Variants in GRID2 observed in about 807,000 individuals in gnomAD.
GRID2 encodes glutamate receptor ionotropic, delta-2.
In GRID2, 33 loss-of-function variants were observed where a neutral mutation model predicts 114.8. That is an observed-to-expected ratio of 0.29 (90% CI 0.22 to 0.38). GRID2 has a LOEUF of 0.38. GRID2 is among the 10% of genes least tolerant of loss of function. The pLI, the probability that GRID2 is intolerant of heterozygous loss-of-function variation, is 1.00. For synonymous variants in GRID2, 505 were observed against 449.9 expected (o/e 1.12, Z -1.55); for missense variants, 1,184 against 1,257.7 (o/e 0.94, Z 0.89).
intron 13 of GRID2, among the ~76,000 whole-genome samples, chr4:93,563,274 T>C (rs1250073344): frequency 1.3e-5 from 2 of 152,032 alleles, no homozygotes; most frequent in Non-Finnish European, 2.9e-5. Context: ...ATTGTTTCCA[T>C]TTATAATATC....
At position 92,318,308 on chromosome 4, in the gene GRID2, ATTT is replaced by A. The variant is rs201137595; in HGVS notation, c.88+13579_88+13581del. On this transcript the variant is annotated intron_variant, in intron 1 of 15. Transcript: ENST00000282020. Reference sequence around the variant, plus strand: ...TATGTGTGTATATATATATATATATATTTTTTTTTTTTTTTTTGGTAAGCAATA... The same window carrying A: ...TATGTGTGTATATATATATATATATATTTTTTTTTTTTTTGGTAAGCAATA... Among the ~76,000 whole-genome samples, 43 of 130,880 alleles carry A rather than the reference ATTT, an allele frequency of 3.3e-4. No individual in the cohort carries two copies. The East Asian group carries it at 4.8e-3, about 15-fold the overall frequency. The allele number at this position is 130,880 out of a possible 152,430, so 85.9% of individuals were successfully genotyped here. A position where few individuals can be genotyped will look rare whatever the true frequency, so the allele number is the denominator to read the frequency against.
In GRID2 at chr4:92,377,865, C is replaced by A. The variant is rs1199222282; in HGVS notation, c.88+73121C>A. On this transcript the variant is annotated intron_variant, in intron 1 of 15. Transcript: ENST00000282020. ...CCTTTCCCTGTGATTCAGTTGCTTC[C>A]CACCAGGTCCCTTCCACAACATGTG... Among the ~76,000 whole-genome samples the A allele has an allele frequency of 3.9e-5, 6 of 152,130 alleles. No individual in the cohort carries two copies. In the East Asian group the frequency reaches 1.2e-3, roughly 30 times the overall value.
intron 9 of GRID2, among the ~76,000 whole-genome samples, chr4:93,414,146 A>G (rs1767478038): frequency 6.6e-6 from 1 of 152,122 alleles, no homozygotes; most frequent in African/African-American, 2.4e-5. Flanking sequence ...CATCAGCTCT[A>G]CCTTCAAAAA....
chr4:93,668,351 A>G (rs1724121097), intron 14 of GRID2, among the ~76,000 whole-genome samples: 2 of 149,456 alleles, frequency 1.3e-5, no homozygotes, highest in Admixed American at 1.3e-4. Flanking sequence ...GAGTTCTGTT[A>G]TCTGATTTTC....
intron 1 of GRID2, among the ~76,000 whole-genome samples, chr4:92,328,058 A>G (rs1019664081): frequency 4.6e-5 from 7 of 152,080 alleles, no homozygotes; most frequent in Admixed American, 1.3e-4. Flanking sequence ...ATGCTCATTC[A>G]TTTGAAAAGG....
At chr4:92,604,578 T>A (rs531199925) in intron 2 of GRID2, among the ~76,000 whole-genome samples, 1 of 152,114 alleles carries the variant, frequency 6.6e-6, no homozygotes, top group African/African-American at 2.4e-5. Flanking sequence ...CTAAGGCATG[T>A]GGGGCTTAAT....
chr4:93,346,600 T>C (rs1760259470), intron 8 of GRID2, among the ~76,000 whole-genome samples: 2 of 152,212 alleles, frequency 1.3e-5, no homozygotes, highest in Non-Finnish European at 2.9e-5. Flanking sequence ...AACTCAGTTT[T>C]CCCACCAAAG....
intron 4 of GRID2, among the ~76,000 whole-genome samples, chr4:93,174,474 A>G (rs542476549): frequency 9.9e-5 from 15 of 152,166 alleles, no homozygotes; most frequent in Non-Finnish European, 2.2e-4. Flanking sequence ...AAAGTAGTCC[A>G]TAGTGCAGTG....
At chr4:92,614,445 A>C (rs1203083477) in intron 2 of GRID2, among the ~76,000 whole-genome samples, 1 of 151,442 alleles carries the variant, frequency 6.6e-6, no homozygotes, top group African/African-American at 2.4e-5. Flanking sequence ...TCAGTTCAAC[A>C]ATTTTTTTTC....
At chr4:92,782,244 G>T (rs181958784) in intron 2 of GRID2, among the ~76,000 whole-genome samples, 2 of 151,918 alleles carry the variant, frequency 1.3e-5, no homozygotes, top group Admixed American at 1.3e-4. Context: ...GGGTTTATTG[G>T]TACTTTGAGA....
At chr4:92,771,329 T>C (rs920563659) in intron 2 of GRID2, among the ~76,000 whole-genome samples, 2 of 152,204 alleles carry the variant, frequency 1.3e-5, no homozygotes, top group Non-Finnish European at 2.9e-5. Flanking sequence ...TACCACTTTA[T>C]TGTGCTTGCC....
intron 4 of GRID2, among the ~76,000 whole-genome samples, chr4:93,168,217 G>GAAGGA (rs758647914): frequency 1.1e-4 from 17 of 150,626 alleles, no homozygotes; most frequent in South Asian, 4.2e-4. Flanking sequence ...AAAGAAAAGG[G>GAAGGA]AAGGAAAGGA....
In GRID2 at chr4:93,422,887, T is replaced by C; in HGVS notation, c.1464T>C (p.Ile488=). The C allele has an allele frequency of 6.2e-7, 1 of 1,613,798 alleles. No individual in the cohort carries two copies. Among genetic ancestry groups the C allele is most frequent in the Non-Finnish European group, 8.5e-7 (1 of 1,179,778 alleles). Residue 488 remains isoleucine (I), a synonymous_variant, in exon 10 of 16, where the codon ATT becomes ATC. Coordinates refer to ENST00000282020, the MANE Select transcript of GRID2 (RefSeq NM_001510.4). ...LSNYLGFNYE[I]YVAPDHKYGS... Reference sequence around the variant, plus strand: ...ACTACCTGGGTTTTAACTACGAAATTTACGTAGCACCGGATCACAAATACG... The same window carrying C: ...ACTACCTGGGTTTTAACTACGAAATCTACGTAGCACCGGATCACAAATACG...
intron 2 of GRID2, among the ~76,000 whole-genome samples, chr4:92,628,498 A>G (rs1221314494): frequency 6.6e-6 from 1 of 152,084 alleles, no homozygotes; most frequent in Non-Finnish European, 1.5e-5. Context: ...AGCTGGGACT[A>G]CAGGCACAGC....
At chr4:93,227,419 G>A (rs200618143) in intron 7 of GRID2, among the ~76,000 whole-genome samples, 4 of 151,902 alleles carry the variant, frequency 2.6e-5, no homozygotes, top group East Asian at 3.9e-4. Flanking sequence ...AGTAGAGACG[G>A]GGTTTCATCA....
At chr4:92,566,673 G>A (rs1368459590) in intron 1 of GRID2, among the ~76,000 whole-genome samples, 2 of 152,004 alleles carry the variant, frequency 1.3e-5, no homozygotes, top group Admixed American at 6.6e-5. Flanking sequence ...ACTATGTAAA[G>A]GGATAGCACA....
At chr4:92,876,290 T>TATTC (rs1183827544) in intron 2 of GRID2, among the ~76,000 whole-genome samples, 4 of 150,344 alleles carry the variant, frequency 2.7e-5, no homozygotes, top group African/African-American at 9.7e-5. Flanking sequence ...TTATTTTATT[T>TATTC]ATTTATTTAT....
chr4:93,157,765 A>C (rs1054752203), intron 4 of GRID2, among the ~76,000 whole-genome samples: 7 of 151,680 alleles, frequency 4.6e-5, no homozygotes, highest in South Asian at 2.1e-4. Context: ...CTGAACTCTC[A>C]TGCTCTCTCG....
At chr4:93,635,145 C>T (rs1021932479) in intron 14 of GRID2, among the ~76,000 whole-genome samples, 3 of 151,892 alleles carry the variant, frequency 2.0e-5, no homozygotes, top group Admixed American at 1.3e-4. Flanking sequence ...GTTCTTCTCT[C>T]TCACAATACA....
Sources: allele counts gnomAD v4.1 joint callset (sites outside exome capture counted in the v4.1 genomes callset), GRCh38; gene constraint gnomAD v4.1.1; transcripts MANE v1.5; gene names NCBI Gene and HGNC (gene_info 2026-07-23, HGNC 2026-07-21).